Variants in BTBD8 observed in about 807,000 individuals in gnomAD.
BTBD8 encodes the protein BTB/POZ domain-containing protein 8.
Under a neutral mutation model 162.9 loss-of-function variants are expected in BTBD8, and 110 were observed. The observed-to-expected ratio is 0.68, with a 90% CI of 0.58 to 0.79. The LOEUF is 0.79. Ranked by LOEUF, BTBD8 falls within the 30% of genes least tolerant of loss-of-function variation. The pLI is 0.00. For synonymous variants in BTBD8, 667 were observed against 716.1 expected (o/e 0.93, Z 1.10); for missense variants, 1,905 against 2,085.4 (o/e 0.91, Z 1.68).
chr1:92,122,232 G>A (rs1272472649), intron 4 of BTBD8, among the ~76,000 whole-genome samples: 1 of 150,952 alleles, frequency 6.6e-6, no homozygotes, highest in Non-Finnish European at 1.5e-5. Flanking sequence ...ATGGAATATT[G>A]GTTGTTTCCA....
chr1:92,126,033 G>T (rs751683244), intron 4 of BTBD8: 3 of 480,686 alleles, frequency 6.2e-6, no homozygotes, highest in Non-Finnish European at 1.2e-5. Context: ...AATCCATATG[G>T]GAAGCACACT....
intron 13 of BTBD8, among the ~76,000 whole-genome samples, chr1:92,176,355 T>C (rs1400034134): frequency 3.9e-5 from 6 of 152,188 alleles, no homozygotes; most frequent in Admixed American, 3.9e-4. Context: ...ATACCTACTT[T>C]AATCCTCAAT....
At chr1:92,104,845 T>C (rs1191043869) in intron 3 of BTBD8, among the ~76,000 whole-genome samples, 1 of 152,346 alleles carries the variant, frequency 6.6e-6, no homozygotes, top group East Asian at 1.9e-4. Flanking sequence ...GTATCATTTT[T>C]CTACCCCTTA....
In BTBD8 at chr1:92,177,187, C is replaced by G; in HGVS notation, c.1994C>G (p.Ala665Gly). 1.3e-6 allele frequency: 2 copies of G among 1,551,718 alleles called. No homozygotes were observed. Among genetic ancestry groups the G allele is most frequent in the South Asian group, 2.4e-5 (2 of 84,056 alleles). Residue 665 changes from alanine (A) to glycine (G), a missense_variant, in exon 14 of 18, where the codon GCA becomes GGA. Ala to Gly is a moderately conservative substitution (Grantham distance 60). Coordinates refer to ENST00000636805, the MANE Select transcript of BTBD8 (RefSeq NM_001376131.1). Reference sequence around the variant, plus strand: ...CAAGTTGTAGAAAGATCAGCAACAGCAGCAGCAGCAGCAACTGGACAGAAG... The same window carrying G: ...CAAGTTGTAGAAAGATCAGCAACAGGAGCAGCAGCAGCAACTGGACAGAAG... ...PRQVVERSAT[A>G]AAAATGQKNL...
chr1:92,161,001 A>G (rs1416999982), intron 9 of BTBD8, among the ~76,000 whole-genome samples: 2 of 152,180 alleles, frequency 1.3e-5, no homozygotes, highest in Non-Finnish European at 2.9e-5. Flanking sequence ...TTCCTTCCCC[A>G]GGGAGAAGCT....
intron 4 of BTBD8, among the ~76,000 whole-genome samples, chr1:92,109,871 T>C (rs1648845062): frequency 6.6e-6 from 1 of 152,214 alleles, no homozygotes; most frequent in Non-Finnish European, 1.5e-5. Context: ...GTAATATGGC[T>C]ACTTTAATTT....
At chr1:92,149,001 A>G (rs1458183942) in intron 9 of BTBD8, among the ~76,000 whole-genome samples, 1 of 152,216 alleles carries the variant, frequency 6.6e-6, no homozygotes, top group Non-Finnish European at 1.5e-5. Flanking sequence ...TTCAGGAATA[A>G]AGTTTGGGCT....
chr1:92,163,630 A>G (rs1417117519), intron 9 of BTBD8, among the ~76,000 whole-genome samples: 1 of 151,804 alleles, frequency 6.6e-6, no homozygotes, highest in Non-Finnish European at 1.5e-5. Flanking sequence ...GAAGAGCGAA[A>G]GGACAAAGCT....
chr1:92,080,488 G>C lies in BTBD8; in HGVS notation c.-84G>C. ...GGATTTGGGTAGGAGCCGAGCGTTC[G>C]GTCGGAAACGCCCCCTTCTTCCTCC... On this transcript the variant is annotated 5_prime_UTR_variant, in exon 1 of 18. Transcript: ENST00000636805. 1 of 1,562,310 alleles carries C rather than the reference G, an allele frequency of 6.4e-7. No individual in the cohort carries two copies. The highest frequency in any genetic ancestry group is 8.6e-7 in the Non-Finnish European group (1 of 1,160,202).
chr1:92,169,215 T>G (rs1207930748), intron 12 of BTBD8, among the ~76,000 whole-genome samples: 2 of 152,204 alleles, frequency 1.3e-5, no homozygotes, highest in Non-Finnish European at 2.9e-5. Context: ...ATATATATGT[T>G]TCTAATCTTA....
intron 3 of BTBD8, among the ~76,000 whole-genome samples, chr1:92,105,764 C>T (rs1648710472): frequency 6.6e-6 from 1 of 152,184 alleles, no homozygotes. Flanking sequence ...CACTCAGAAC[C>T]AGAAGAGGTT....
chr1:92,138,751 A>G (rs1422015044), intron 5 of BTBD8, among the ~76,000 whole-genome samples: 1 of 152,228 alleles, frequency 6.6e-6, no homozygotes, highest in Non-Finnish European at 1.5e-5. Flanking sequence ...GGAATAACAG[A>G]AAGAGGACTA....
At chr1:92,096,150 T>C (rs945326059) in intron 2 of BTBD8, among the ~76,000 whole-genome samples, 1 of 152,098 alleles carries the variant, frequency 6.6e-6, no homozygotes, top group South Asian at 2.1e-4. Flanking sequence ...TTTGTGTTTT[T>C]AGTAGAAACG....
At chr1:92,178,595 A>G in intron 16 of BTBD8, 144 bp downstream of exon 16, 1 of 681,262 alleles carries the variant, frequency 1.5e-6, no homozygotes, top group Non-Finnish European at 2.4e-6. Context: ...TAGAGATGAG[A>G]TTGTAAACTT....
chr1:92,105,830 T>C (rs1277947091), intron 3 of BTBD8, among the ~76,000 whole-genome samples: 1 of 152,212 alleles, frequency 6.6e-6, no homozygotes, highest in African/African-American at 2.4e-5. Context: ...AACATGGAAG[T>C]AAAGTACAGA....
chr1:92,117,299 A>G (rs1337684382), intron 4 of BTBD8, among the ~76,000 whole-genome samples: 1 of 151,742 alleles, frequency 6.6e-6, no homozygotes, highest in Non-Finnish European at 1.5e-5. Flanking sequence ...CATTATAAAT[A>G]TTATGTTTTT....
intron 12 of BTBD8, among the ~76,000 whole-genome samples, chr1:92,169,867 T>G (rs1205592948): frequency 6.6e-6 from 1 of 152,182 alleles, no homozygotes; most frequent in Non-Finnish European, 1.5e-5. Flanking sequence ...TGTAGCTAGA[T>G]GTGATATGAA....
chr1:92,156,211 G>T (rs1000146456), intron 9 of BTBD8, among the ~76,000 whole-genome samples: 4 of 152,154 alleles, frequency 2.6e-5, no homozygotes, highest in Admixed American at 2.6e-4. Flanking sequence ...TGTTAATGAT[G>T]TGGGTTGCAT....
At chr1:92,087,738 C>T (rs1314832068) in intron 1 of BTBD8, among the ~76,000 whole-genome samples, 1 of 152,192 alleles carries the variant, frequency 6.6e-6, no homozygotes, top group Non-Finnish European at 1.5e-5. Context: ...GTATGAATGT[C>T]ATTGGCTGCT....
Sources: gnomAD v4.1 joint callset for allele counts (sites outside exome capture counted in the v4.1 genomes callset) on GRCh38, gnomAD v4.1.1 for gene constraint, MANE v1.5 for transcripts, NCBI Gene and HGNC (gene_info 2026-07-23, HGNC 2026-07-21) for gene names.